Variants in TP63 observed in about 807,000 individuals in gnomAD.
TP63 encodes tumor protein p63.
A neutral mutation model predicts 82.8 loss-of-function variants in TP63; 17 were observed. The observed-to-expected ratio is 0.21, with a 90% CI of 0.14 to 0.31. The LOEUF (loss-of-function observed/expected upper bound fraction) is 0.31, where lower values mean the gene tolerates loss of function less well. Among genes scored for constraint, TP63 ranks in the 10% least tolerant of loss-of-function variants. The pLI is 1.00. For synonymous variants in TP63, 330 were observed against 321.7 expected, an observed-to-expected ratio of 1.03 and a Z score of -0.28; for missense variants, 648 against 895.3, an observed-to-expected ratio of 0.72 and a Z score of 3.52.
At chr3:189,768,148 C>T (rs1010869790) in intron 3 of TP63, among the ~76,000 whole-genome samples, 2 of 152,110 alleles carry the variant, frequency 1.3e-5, no homozygotes, top group African/African-American at 2.4e-5. Context: ...TTTGTTGCTG[C>T]TGTTGCTGTT....
At chr3:189,829,674 G>C (rs531349053) in intron 4 of TP63, among the ~76,000 whole-genome samples, 1 of 152,142 alleles carries the variant, frequency 6.6e-6, no homozygotes, top group Admixed American at 6.5e-5. Flanking sequence ...AAAAGATTCT[G>C]GAAAGTTTGG....
rs1718994867 is a variant in TP63 at position 189,875,605 on chromosome 3, T to TATATATATATATATATACACAC, written c.1349+2627_1349+2628insCACACATATATATATATATATA. 1.2e-4 allele frequency among the ~76,000 whole-genome samples: 7 copies of TATATATATATATATATACACAC among 58,690 alleles called. No homozygotes were observed. The East Asian group carries it at 1.6e-3, about 14-fold the overall frequency. The allele number at this position is 58,690 out of a possible 152,430, so 38.5% of individuals were successfully genotyped here. A position where few individuals can be genotyped will look rare whatever the true frequency, so the allele number is the denominator to read the frequency against. ...AAAAAAATACATACATATATATATA[T>TATATATATATATATATACACAC]ATATATATATATATATATATATATA... On this transcript the variant is annotated intron_variant, in intron 10 of 13. Transcript: ENST00000264731.
chr3:189,694,035 C>T (rs1322851649), intron 1 of TP63, among the ~76,000 whole-genome samples: 1 of 152,154 alleles, frequency 6.6e-6, no homozygotes, highest in Non-Finnish European at 1.5e-5. Context: ...AGGTATAGCT[C>T]AGAGTGCCAT....
intron 1 of TP63, among the ~76,000 whole-genome samples, chr3:189,677,189 G>T (rs1055518593): frequency 2.7e-5 from 4 of 149,472 alleles, no homozygotes; most frequent in Admixed American, 6.7e-5. Flanking sequence ...AGTATTCCAT[G>T]GTGTGTGTTT....
chr3:189,630,663 T>G, upstream of TP63, among the ~76,000 whole-genome samples: 1 of 152,250 alleles, frequency 6.6e-6, no homozygotes, highest in African/African-American at 2.4e-5. Flanking sequence ...TTTAATATCT[T>G]TAAGAAAATT....
intron 3 of TP63, among the ~76,000 whole-genome samples, chr3:189,777,936 A>G (rs1723943997): frequency 7.1e-6 from 1 of 140,528 alleles, no homozygotes; most frequent in South Asian, 2.2e-4. Context: ...GCTCACTGCA[A>G]CTTCCGTCTT....
At chr3:189,885,478 G>T (rs778977849) in intron 10 of TP63, among the ~76,000 whole-genome samples, 2 of 152,170 alleles carry the variant, frequency 1.3e-5, no homozygotes, top group African/African-American at 2.4e-5. Flanking sequence ...TAAGTAGCTC[G>T]CATGGGCATC....
At chr3:189,620,066 A>G in the TP63 span, among the ~76,000 whole-genome samples, 1 of 152,200 alleles carries the variant, frequency 6.6e-6, no homozygotes, top group Non-Finnish European at 1.5e-5. Flanking sequence ...GAAGGGGGGC[A>G]CTTCAGAGTG....
the TP63 span, among the ~76,000 whole-genome samples, chr3:189,609,191 C>T: frequency 6.6e-6 from 1 of 152,048 alleles, no homozygotes; most frequent in Non-Finnish European, 1.5e-5. Flanking sequence ...TCCTTTTAGA[C>T]ATCTTTCCAT....
At chr3:189,665,897 T>C (rs1714345152) in intron 1 of TP63, among the ~76,000 whole-genome samples, 2 of 152,086 alleles carry the variant, frequency 1.3e-5, no homozygotes, top group Admixed American at 1.3e-4. Flanking sequence ...TAGCTTCCAG[T>C]ATATAAAAGC....
At chr3:189,627,842 G>A (rs34505637), upstream of TP63, among the ~76,000 whole-genome samples, 17,953 of 152,074 alleles carry the variant, frequency 0.12, 1,450 homozygotes, top group East Asian at 0.4. Flanking sequence ...CACCTCCTCA[G>A]ACTGAACACT....
intron 3 of TP63, among the ~76,000 whole-genome samples, chr3:189,792,493 C>T (rs979122455): frequency 6.6e-6 from 1 of 151,980 alleles, no homozygotes; most frequent in Non-Finnish European, 1.5e-5. Context: ...ATCTCAAACT[C>T]CTTCTTAGAA....
intron 3 of TP63, among the ~76,000 whole-genome samples, chr3:189,768,145 C>CTGCTGT (rs1218573801): frequency 2.9e-4 from 44 of 152,232 alleles, no homozygotes; most frequent in Admixed American, 2.6e-3. Flanking sequence ...GGTTTTGTTG[C>CTGCTGT]TGCTGTTGCT....
intron 1 of TP63, among the ~76,000 whole-genome samples, chr3:189,699,180 T>G (rs1357200573): frequency 6.6e-6 from 1 of 151,436 alleles, no homozygotes; most frequent in East Asian, 1.9e-4. Context: ...CTGCCTCATT[T>G]TAACACTCAC....
chr3:189,706,057 T>C (rs1718174125), intron 1 of TP63, among the ~76,000 whole-genome samples: 1 of 152,210 alleles, frequency 6.6e-6, no homozygotes, highest in South Asian at 2.1e-4. Context: ...CTGCTTTGAA[T>C]TGTGCATTTT....
intron 3 of TP63, among the ~76,000 whole-genome samples, chr3:189,755,992 G>C (rs1055578128): frequency 6.6e-6 from 1 of 152,158 alleles, no homozygotes; most frequent in Non-Finnish European, 1.5e-5. Flanking sequence ...AGTGGGGTGA[G>C]CAGACCTAGC....
At chr3:189,812,977 T>C (rs1013030714) in intron 4 of TP63, among the ~76,000 whole-genome samples, 1 of 152,180 alleles carries the variant, frequency 6.6e-6, no homozygotes, top group Non-Finnish European at 1.5e-5. Context: ...TATAGGGTGA[T>C]AACAGCCTCT....
At chr3:189,661,040 C>T (rs975950378) in intron 1 of TP63, among the ~76,000 whole-genome samples, 3 of 151,932 alleles carry the variant, frequency 2.0e-5, no homozygotes, top group African/African-American at 7.2e-5. Context: ...TTGACTTCTT[C>T]CTTTTCTATT....
intron 1 of TP63, among the ~76,000 whole-genome samples, chr3:189,708,917 G>A (rs67399645): frequency 0.088 from 13,454 of 152,130 alleles, 639 homozygotes; most frequent in South Asian, 0.15. Context: ...CCTTTACGTT[G>A]TGTTCAAGAA....
Sources: gnomAD v4.1 joint callset for allele counts (sites outside exome capture counted in the v4.1 genomes callset) on GRCh38, gnomAD v4.1.1 for gene constraint, MANE v1.5 for transcripts, NCBI Gene and HGNC (gene_info 2026-07-23, HGNC 2026-07-21) for gene names.